BRD8: variants seen among roughly 807,000 people sequenced by gnomAD.
The protein encoded by BRD8 is bromodomain-containing protein 8.
In BRD8, 67 loss-of-function variants were observed where a neutral mutation model predicts 143.1. That is an observed-to-expected ratio of 0.47 (90% confidence interval 0.38 to 0.57). BRD8 has a LOEUF of 0.57. Among genes scored for constraint, BRD8 ranks in the 20% least tolerant of loss-of-function variants. BRD8 has a pLI of 0.00. For missense variants in BRD8, 1,103 were observed against 1,503.0 expected (o/e 0.73, Z 4.40); for synonymous variants, 505 against 517.1 (o/e 0.98, Z 0.32).
At chr5:138,152,015 C>T (rs1428244304) in intron 21 of BRD8, among the ~76,000 whole-genome samples, 18 of 152,274 alleles carry the variant, frequency 1.2e-4, no homozygotes, top group African/African-American at 2.4e-4. Context: ...CCACCACGCC[C>T]GGCTAATTTT....
intron 25 of BRD8, among the ~76,000 whole-genome samples, chr5:138,143,941 T>C (rs896411783): frequency 6.6e-6 from 1 of 152,204 alleles, no homozygotes; most frequent in African/African-American, 2.4e-5. Flanking sequence ...GGCAACCCGC[T>C]GGAGTCCCCT....
chr5:138,162,263 G>T, intron 15 of BRD8, 117 bp from the exon 16 acceptor site: 1 of 755,066 alleles, frequency 1.3e-6, no homozygotes, highest in Non-Finnish European at 2.1e-6. Context: ...GCAGTGGCAT[G>T]ATCATGTTCA....
Position 138,167,878 on chromosome 5 carries a change from C to T in BRD8, c.787+56G>A, listed in dbSNP as rs150766505. ...TGCTTAGTAACAGTGAAACTGAGGTCAGTCAATGTCAAGTTCAACACCTTT... is the reference window on the plus strand; with the variant it reads ...TGCTTAGTAACAGTGAAACTGAGGTTAGTCAATGTCAAGTTCAACACCTTT... On this transcript the variant is annotated intron_variant, in intron 9 of 26. Coordinates refer to ENST00000254900, the MANE Select transcript of BRD8 (RefSeq NM_139199.2). The T allele has an allele frequency of 2.1e-4, 306 of 1,490,390 alleles. No individual in the cohort carries two copies. The African/African-American group carries it at 4.0e-3, about 19-fold the overall frequency. 92.3% of individuals were successfully genotyped at this position (1,490,390 alleles called of 1,614,324 possible).
chr5:138,152,604 G>A lies in BRD8; in HGVS notation c.2734C>T (p.Leu912=), dbSNP rs1350200874. 1.2e-6 allele frequency: 2 copies of A among 1,614,112 alleles called. No homozygotes were observed. The highest frequency in any genetic ancestry group is 3.3e-5 in the Admixed American group (2 of 60,008). Residue 912 remains leucine (L), a synonymous_variant, in exon 21 of 27, where the codon CTA becomes TTA. Transcript: ENST00000254900. ...TCTCTCTCCGGGCTGCTTTCCTCTA[G>A]TTCCTCAGCCTCTGGATCCTCAGTT... ...RETEDPEAEE[L]EESSPEREPS...
Position 138,150,952 on chromosome 5 carries a change from G to A in BRD8, c.2913C>T (p.Cys971=). 1 of 1,614,122 alleles carries A rather than the reference G, an allele frequency of 6.2e-7. No individual in the cohort carries two copies. The highest frequency in any genetic ancestry group is 1.1e-5 in the South Asian group (1 of 91,074). The change falls in exon 22 of 27, where the codon TGC becomes TGT. Residue 971 remains cysteine (C), a synonymous_variant. Coordinates refer to ENST00000254900, the MANE Select transcript of BRD8 (RefSeq NM_139199.2). ...CISSNESSEG[C]CPPSGTRQEG... ...CTTGTCTGGTACCAGATGGAGGGCA[G>A]CAGCCTTCACTTGATTCGTTGCTGC...
At chr5:138,163,057 G>GACGGAAGC in intron 15 of BRD8, 73 bp downstream of exon 15, 1 of 549,778 alleles carries the variant, frequency 1.8e-6, no homozygotes, top group Non-Finnish European at 3.0e-6. Flanking sequence ...AGACAGGAAG[G>GACGGAAGC]AAGGAAGGAA....
chr5:138,140,782 C>T lies in BRD8; in HGVS notation c.3538G>A (p.Val1180Ile). The T allele has an allele frequency of 1.2e-6, 2 of 1,614,178 alleles. No individual in the cohort carries two copies. Among genetic ancestry groups the T allele is most frequent in the Non-Finnish European group, 1.7e-6 (2 of 1,180,014 alleles). Residue 1180 changes from valine (V) to isoleucine (I), a missense_variant, in exon 26 of 27, where the codon GTA (valine) becomes ATA (isoleucine). Physicochemically the swap from Val to Ile is conservative, Grantham distance 29 (BLOSUM62 3). This residue lies in a region of BRD8 where 369 missense variants were observed against 445.5 expected (regional missense o/e 0.83). Coordinates refer to ENST00000254900, the MANE Select transcript of BRD8 (RefSeq NM_139199.2). Reference sequence around the variant, plus strand: ...TGATGATCAGAGTCATTGTACATTACAGCATTTTGGAACATCAGCATCAGG... The same window carrying T: ...TGATGATCAGAGTCATTGTACATTATAGCATTTTGGAACATCAGCATCAGG... ...RDLMLMFQNA[V>I]MYNDSDHHVY...
intron 6 of BRD8, 51 bp downstream of exon 6, chr5:138,170,780 GA>G: frequency 6.7e-7 from 1 of 1,496,908 alleles, no homozygotes; most frequent in Non-Finnish European, 9.3e-7. Context: ...TACTTGAGGG[GA>G]AAAGAGGGTA....
Position 138,149,724 on chromosome 5 carries a change from G to C in BRD8, c.3194C>G (p.Pro1065Arg). 6.2e-7 allele frequency: 1 copy of C among 1,613,852 alleles called. No homozygotes were observed. The highest frequency in any genetic ancestry group is 1.1e-5 in the South Asian group (1 of 91,026). The change falls in exon 23 of 27, where the codon CCT becomes CGT. Residue 1065 changes from proline to arginine, a missense_variant. By Grantham distance (103) the Pro-to-Arg change is moderately radical (BLOSUM62 -2). Around this residue, in one of 7 missense-constraint regions of BRD8, gnomAD observed 369 missense variants for 445.5 expected, o/e 0.83. Transcript: ENST00000254900. ...AAAGGCATCATCACACTCGCCTGAA[G>C]GGGGCTGGTCTTCCATCTCTGACAC... ...VYVSEMEDQP[P>R]SGECDDAFNI...
At chr5:138,159,498 A>C in intron 20 of BRD8, 57 bp downstream of exon 20, 4 of 1,579,044 alleles carry the variant, frequency 2.5e-6, no homozygotes, top group Non-Finnish European at 3.5e-6. Context: ...ACCCACCCCC[A>C]TTAAGAGCTG....
At chr5:138,156,825 TACACACACACACACACACACACACAC>T (rs67288912) in intron 20 of BRD8, 36 of 803,174 alleles carry the variant, frequency 4.5e-5, no homozygotes, top group Middle Eastern at 1.3e-3. Flanking sequence ...AAGTTTCAAA[TACACACACACACACACACACACACAC>T]ACACACACAC....
intron 25 of BRD8, among the ~76,000 whole-genome samples, chr5:138,141,336 G>A (rs183747563): frequency 2.0e-3 from 307 of 152,276 alleles, no homozygotes; most frequent in African/African-American, 7.1e-3. Flanking sequence ...CACCATGTTG[G>A]TCAGGCTAGT....
intron 21 of BRD8, 126 bp from the exon 22 acceptor site, chr5:138,151,134 A>G: frequency 7.9e-7 from 1 of 1,266,852 alleles, no homozygotes; most frequent in Non-Finnish European, 1.1e-6. Flanking sequence ...GGTTTAATTA[A>G]TACAATCATC....
intron 20 of BRD8, among the ~76,000 whole-genome samples, chr5:138,154,315 TAC>T (rs1356526444): frequency 6.6e-6 from 1 of 152,164 alleles, no homozygotes; most frequent in Non-Finnish European, 1.5e-5. Context: ...CTGTTCTAAT[TAC>T]ATTTTTCTCC....
intron 25 of BRD8, among the ~76,000 whole-genome samples, chr5:138,144,076 G>C (rs200507315): frequency 8.6e-6 from 1 of 116,316 alleles, no homozygotes; most frequent in African/African-American, 3.0e-5. Context: ...CGCTCCTGAA[G>C]CCAGCAAGAC....
At chr5:138,160,622 A>T (rs1752933335) in intron 18 of BRD8, among the ~76,000 whole-genome samples, 1 of 152,240 alleles carries the variant, frequency 6.6e-6, no homozygotes, top group Non-Finnish European at 1.5e-5. Flanking sequence ...AATGTAATTA[A>T]AAAATATACA....
intron 1 of BRD8, among the ~76,000 whole-genome samples, 189 bp from the exon 2 acceptor site, chr5:138,177,856 T>C (rs78246474): frequency 0.012 from 1,884 of 152,276 alleles, 41 homozygotes; most frequent in African/African-American, 0.042. Flanking sequence ...GTGACCGGGG[T>C]ACCTATTCGT....
intron 2 of BRD8, among the ~76,000 whole-genome samples, chr5:138,173,308 CAATCACTTA>C (rs1205519392): frequency 6.6e-6 from 1 of 151,102 alleles, no homozygotes; most frequent in African/African-American, 2.4e-5. Flanking sequence ...TGAGCCAGGA[CAATCACTTA>C]AATCCAGGAG....
chr5:138,149,488 A>T (rs1205598332), intron 23 of BRD8, 152 bp downstream of exon 23: 7 of 589,412 alleles, frequency 1.2e-5, no homozygotes, highest in African/African-American at 1.9e-5. Context: ...ACTTCTATTT[A>T]TATGATGTTA....
Sources: allele counts gnomAD v4.1 joint callset (sites outside exome capture counted in the v4.1 genomes callset), GRCh38; gene constraint gnomAD v4.1.1; regional missense constraint gnomAD v4.1.1; transcripts MANE v1.5; gene names NCBI Gene and HGNC (gene_info 2026-07-23, HGNC 2026-07-21).